Variants in SORCS2 observed in about 807,000 individuals in gnomAD.
SORCS2 encodes VPS10 domain-containing receptor SorCS2.
Under a neutral mutation model 141.6 loss-of-function variants are expected in SORCS2, and 100 were observed. The observed-to-expected ratio is 0.71, with a 90% CI of 0.60 to 0.83. The LOEUF is 0.83. Ranked by LOEUF, SORCS2 falls within the 40% of genes least tolerant of loss-of-function variation. The pLI is 0.00. For synonymous variants in SORCS2, 789 were observed against 676.9 expected (o/e 1.17, Z -2.57); for missense variants, 1,646 against 1,560.2 (o/e 1.05, Z -0.93).
At chr4:7,434,060 A>G in intron 2 of SORCS2, 1 of 1,611,186 alleles carries the variant, frequency 6.2e-7, no homozygotes, top group Non-Finnish European at 8.5e-7. Context: ...AGCTCCAGGG[A>G]GGGGACCCCG....
chr4:7,435,799 G>T (rs751609125), intron 2 of SORCS2, among the ~76,000 whole-genome samples: 1 of 152,268 alleles, frequency 6.6e-6, no homozygotes, highest in Non-Finnish European at 1.5e-5. Context: ...GTCGGGTCCT[G>T]TTCATTAAAT....
intron 3 of SORCS2, among the ~76,000 whole-genome samples, chr4:7,559,519 G>A (rs1233017450): frequency 1.3e-5 from 2 of 152,198 alleles, no homozygotes; most frequent in African/African-American, 4.8e-5. Context: ...GGCATCAGAG[G>A]CTCTAGGGAG....
At chr4:7,298,421 A>G (rs963474955) in intron 1 of SORCS2, among the ~76,000 whole-genome samples, 1 of 152,168 alleles carries the variant, frequency 6.6e-6, no homozygotes, top group Non-Finnish European at 1.5e-5. Context: ...CCTGACATAC[A>G]AGCAACAGTG....
At chr4:7,436,706 C>T (rs1313672718) in intron 2 of SORCS2, among the ~76,000 whole-genome samples, 3 of 152,188 alleles carry the variant, frequency 2.0e-5, no homozygotes, top group Non-Finnish European at 2.9e-5. Flanking sequence ...CCACTGGGCC[C>T]TGGGTGTGTA....
intron 1 of SORCS2, among the ~76,000 whole-genome samples, chr4:7,299,729 A>G (rs1341524379): frequency 6.6e-6 from 1 of 151,986 alleles, no homozygotes; most frequent in Non-Finnish European, 1.5e-5. Flanking sequence ...TCTTCCTCCA[A>G]CTTCCCATCC....
chr4:7,626,544 C>A (rs1044688819), intron 3 of SORCS2, among the ~76,000 whole-genome samples: 1 of 152,208 alleles, frequency 6.6e-6, no homozygotes, highest in Admixed American at 6.5e-5. Context: ...TCTATAGATT[C>A]ATTCCTACAT....
At chr4:7,619,870 C>T (rs1407998305) in intron 3 of SORCS2, among the ~76,000 whole-genome samples, 4 of 152,222 alleles carry the variant, frequency 2.6e-5, no homozygotes, top group Admixed American at 6.5e-5. Flanking sequence ...TGACGTGAAA[C>T]GCCAGGATGT....
At chr4:7,246,667 T>C (rs1383617438) in intron 1 of SORCS2, among the ~76,000 whole-genome samples, 1 of 152,138 alleles carries the variant, frequency 6.6e-6, no homozygotes, top group African/African-American at 2.4e-5. Flanking sequence ...AAAGGAGCAG[T>C]GATGGGAAGA....
At chr4:7,575,634 A>G (rs1156707868) in intron 3 of SORCS2, among the ~76,000 whole-genome samples, 1 of 152,256 alleles carries the variant, frequency 6.6e-6, no homozygotes, top group Non-Finnish European at 1.5e-5. Flanking sequence ...AATTGAAACT[A>G]GAATGGTAGT....
Position 7,741,637 on chromosome 4 carries a change from G to A in SORCS2, c.*1373G>A, listed in dbSNP as rs1041748152. The A allele has an allele frequency of 5.4e-6, 1 of 184,212 alleles. No homozygotes were observed. The highest frequency in any genetic ancestry group is 6.3e-5 in the Admixed American group (1 of 15,936). 11.4% of individuals were successfully genotyped at this position (184,212 alleles called of 1,614,324 possible). A position where few individuals can be genotyped will look rare whatever the true frequency, so the allele number is the denominator to read the frequency against. ...TCCCAATGAGGGTCCCTCTCAGAGC[G>A]GGAGAACGCCAGAGCCCTGGATGGT... On this transcript the variant is annotated 3_prime_UTR_variant, in exon 27 of 27. Coordinates refer to ENST00000507866, the MANE Select transcript of SORCS2 (RefSeq NM_020777.3).
chr4:7,402,388 A>T (rs1577504984), intron 2 of SORCS2, among the ~76,000 whole-genome samples: 2 of 152,348 alleles, frequency 1.3e-5, no homozygotes, highest in Middle Eastern at 6.8e-3. Context: ...CTGTATGTAT[A>T]TATGTATGTC....
chr4:7,418,842 C>G (rs1181253838), intron 2 of SORCS2, among the ~76,000 whole-genome samples: 1 of 152,120 alleles, frequency 6.6e-6, no homozygotes, highest in East Asian at 1.9e-4. Context: ...CTGTAGTAAG[C>G]AGCCAATTAT....
intron 2 of SORCS2, among the ~76,000 whole-genome samples, chr4:7,417,797 G>A (rs983333874): frequency 6.6e-6 from 1 of 152,192 alleles, no homozygotes; most frequent in Non-Finnish European, 1.5e-5. Flanking sequence ...AATTCAATGG[G>A]GAGTGAGAAG....
Position 7,396,698 on chromosome 4 carries a change from C to T in SORCS2, c.548+343C>T, listed in dbSNP as rs148756641. Among the ~76,000 whole-genome samples, 340 of 152,274 alleles carry T rather than the reference C, an allele frequency of 2.2e-3. 2 individuals carry two copies. The highest frequency in any genetic ancestry group is 7.7e-3 in the African/African-American group (319 of 41,546). ...TGCACAATTTCCCTTCACTTGTGCT[C>T]AGAACTTCACACGCAGCTCCTGGAG... is the stretch of plus-strand genomic sequence containing the variant. On this transcript the variant is annotated intron_variant, in intron 2 of 26. Coordinates refer to ENST00000507866, the MANE Select transcript of SORCS2 (RefSeq NM_020777.3).
chr4:7,373,577 C>A lies in SORCS2; in HGVS notation c.481-22711C>A, dbSNP rs1003940295. Among the ~76,000 whole-genome samples the A allele has an allele frequency of 3.4e-5, 5 of 145,852 alleles. No individual in the cohort carries two copies. The East Asian group carries it at 1.1e-3, about 31-fold the overall frequency. On this transcript the variant is annotated intron_variant, in intron 1 of 26. Coordinates refer to ENST00000507866, the MANE Select transcript of SORCS2 (RefSeq NM_020777.3). The stretch of plus-strand genomic sequence containing the variant: ...TCATGATCTCTGTTTACTGCAACCT[C>A]CACCTCCCAGGTTCAAGTGATTCTC...
At chr4:7,383,888 G>T (rs566296663) in intron 1 of SORCS2, among the ~76,000 whole-genome samples, 1 of 152,342 alleles carries the variant, frequency 6.6e-6, no homozygotes, top group South Asian at 2.1e-4. Flanking sequence ...AGGTGGAAAA[G>T]TCTACCAAGA....
chr4:7,686,555 C>G (rs982756999), intron 10 of SORCS2, among the ~76,000 whole-genome samples: 1 of 152,222 alleles, frequency 6.6e-6, no homozygotes, highest in African/African-American at 2.4e-5. Context: ...GCATGCACTC[C>G]CAGGGCCACA....
At chr4:7,371,524 A>T (rs1722248477) in intron 1 of SORCS2, among the ~76,000 whole-genome samples, 1 of 152,160 alleles carries the variant, frequency 6.6e-6, no homozygotes, top group Admixed American at 6.5e-5. Flanking sequence ...CTGATACAGA[A>T]AAAAATGAGT....
At chr4:7,416,725 G>C (rs539402997) in intron 2 of SORCS2, among the ~76,000 whole-genome samples, 14 of 150,276 alleles carry the variant, frequency 9.3e-5, no homozygotes, top group East Asian at 3.9e-4. Flanking sequence ...CACACACTCA[G>C]ACACACACGC....
Sources: gnomAD v4.1 joint callset for allele counts (sites outside exome capture counted in the v4.1 genomes callset) on GRCh38, gnomAD v4.1.1 for gene constraint, MANE v1.5 for transcripts, NCBI Gene and HGNC (gene_info 2026-07-23, HGNC 2026-07-21) for gene names.